The following TGFBR1 variants were observed in gnomAD, a reference collection of about 807,000 sequenced individuals.
The protein encoded by TGFBR1 is TGF-beta receptor type-1.
A neutral mutation model predicts 55.1 loss-of-function variants in TGFBR1; 20 were observed. The ratio of observed to expected loss-of-function variants is 0.36; its 90% CI spans 0.26 to 0.53. The LOEUF is 0.53. Ranked by LOEUF, TGFBR1 falls within the 20% of genes least tolerant of loss-of-function variation. The probability of loss-of-function intolerance (pLI) is 0.91; values close to 1 mark genes in which losing one functional copy is unlikely to be tolerated. For missense variants in TGFBR1, 385 were observed against 617.6 expected (o/e 0.62, Z 3.99); for synonymous variants, 220 against 214.8 (o/e 1.02, Z -0.21).
rs1826626472 is a variant in TGFBR1 at position 99,112,898 on chromosome 9, A to ACTAGCAT, written c.97+7604_97+7610dup. 2.0e-5 allele frequency among the ~76,000 whole-genome samples: 3 copies of ACTAGCAT among 151,736 alleles called. No homozygotes were observed. The South Asian group carries it at 6.3e-4, about 32-fold the overall frequency. ...GAGCACCTTAAGCAAAGAAATGGCT[A>ACTAGCAT]CTAGCATCTAGCATTCACCTCATAT... On this transcript the variant is annotated intron_variant, in intron 1 of 8. Coordinates refer to ENST00000374994, the MANE Select transcript of TGFBR1 (RefSeq NM_004612.4).
In TGFBR1 at chr9:99,149,516, T is replaced by A. The variant is rs200495698; in HGVS notation, c.*211T>A. On this transcript the variant is annotated 3_prime_UTR_variant, in exon 9 of 9. Coordinates refer to ENST00000374994, the MANE Select transcript of TGFBR1 (RefSeq NM_004612.4). ...CCTTTCTGTGCACTATGAACGCTTC[T>A]TTCCCAGGACAGAAAATGTGTAGTC... The A allele has an allele frequency of 2.0e-5, 11 of 562,860 alleles. No individual in the cohort carries two copies. The highest frequency in any genetic ancestry group is 1.6e-4 in the Admixed American group (5 of 31,536). The allele number at this position is 562,860 out of a possible 1,614,324, so 34.9% of individuals were successfully genotyped here. A position where few individuals can be genotyped will look rare whatever the true frequency, so the allele number is the denominator to read the frequency against.
Position 99,149,408 on chromosome 9 carries a change from A to C in TGFBR1, c.*103A>C. On this transcript the variant is annotated 3_prime_UTR_variant, in exon 9 of 9. Coordinates refer to ENST00000374994, the MANE Select transcript of TGFBR1 (RefSeq NM_004612.4). ...CCTCACTGAGAGGGAACAGAAGGAT[A>C]TTGCTTCCTTTTGCAGCAGTGTAAT... 1 of 1,514,408 alleles carries C rather than the reference A, an allele frequency of 6.6e-7. No individual in the cohort carries two copies. The highest frequency in any genetic ancestry group is 1.7e-5 in the Admixed American group (1 of 59,424). The allele number at this position is 1,514,408 out of a possible 1,614,324, so 93.8% of individuals were successfully genotyped here.
chr9:99,147,849 G>A (rs1021718584), intron 8 of TGFBR1, 65 bp downstream of exon 8: 4 of 1,591,424 alleles, frequency 2.5e-6, no homozygotes, highest in Non-Finnish European at 3.4e-6. Context: ...GCAAAAGTTT[G>A]CTACTTTTCT....
At chr9:99,145,187 A>G (rs1260709678) in intron 6 of TGFBR1, among the ~76,000 whole-genome samples, 1 of 152,238 alleles carries the variant, frequency 6.6e-6, no homozygotes, top group East Asian at 1.9e-4. Context: ...TAGGTCTTTT[A>G]CGTATATTAC....
intron 1 of TGFBR1, among the ~76,000 whole-genome samples, chr9:99,113,177 G>T (rs1469565484): frequency 6.6e-6 from 1 of 152,172 alleles, no homozygotes; most frequent in African/African-American, 2.4e-5. Context: ...CCTTCAGACA[G>T]TGCTGCTTTC....
At chr9:99,132,023 GTGA>G (rs1263426583) in intron 2 of TGFBR1, among the ~76,000 whole-genome samples, 1 of 151,428 alleles carries the variant, frequency 6.6e-6, no homozygotes, top group Non-Finnish European at 1.5e-5. Context: ...TTGTTTAGAA[GTGA>G]TGAAGATGTA....
At position 99,132,603 on chromosome 9, in the gene TGFBR1, T is replaced by C. The variant is rs1234995886; in HGVS notation, c.438T>C (p.Tyr146=). ...FVCISLMLMV[Y]ICHNRTVIHH... ...GCATCTCACTCATGTTGATGGTCTA[T>C]ATCTGCCACAACCGCACTGTCATTC... Residue 146 remains tyrosine (Y), a synonymous_variant, in exon 3 of 9, where the codon TAT becomes TAC. Coordinates refer to ENST00000374994, the MANE Select transcript of TGFBR1 (RefSeq NM_004612.4). 1.2e-6 allele frequency: 2 copies of C among 1,614,070 alleles called. No individual in the cohort carries two copies. The highest frequency in any genetic ancestry group is 2.7e-5 in the African/African-American group (2 of 74,926).
At chr9:99,126,895 A>C (rs1312088010) in intron 1 of TGFBR1, among the ~76,000 whole-genome samples, 1 of 152,192 alleles carries the variant, frequency 6.6e-6, no homozygotes, top group Non-Finnish European at 1.5e-5. Context: ...GTTTTTAATA[A>C]TGATTAAGGT....
At chr9:99,147,032 C>T (rs1171993794) in intron 7 of TGFBR1, among the ~76,000 whole-genome samples, 3 of 152,054 alleles carry the variant, frequency 2.0e-5, no homozygotes, top group Non-Finnish European at 4.4e-5. Flanking sequence ...AATTATGTTA[C>T]CATTGTGTTG....
intron 6 of TGFBR1, chr9:99,146,075 T>C (rs1827785970): frequency 7.0e-6 from 2 of 284,884 alleles, no homozygotes; most frequent in South Asian, 6.9e-5. Context: ...GTATGAGGAC[T>C]GGCATTCTTT....
At chr9:99,124,527 G>T (rs1030243624) in intron 1 of TGFBR1, among the ~76,000 whole-genome samples, 1 of 152,030 alleles carries the variant, frequency 6.6e-6, no homozygotes, top group Non-Finnish European at 1.5e-5. Flanking sequence ...AAAAGGTTGG[G>T]GGGGGCAGTA....
intron 1 of TGFBR1, among the ~76,000 whole-genome samples, chr9:99,109,901 C>G (rs991092160): frequency 6.6e-6 from 1 of 152,176 alleles, no homozygotes; most frequent in African/African-American, 2.4e-5. Flanking sequence ...TCAGTTTTGA[C>G]CCAGCCTAAC....
In TGFBR1 at chr9:99,142,603, C is replaced by T; in HGVS notation, c.873C>T (p.Tyr291=). 1 of 1,614,104 alleles carries T rather than the reference C, an allele frequency of 6.2e-7. No individual in the cohort carries two copies. Among genetic ancestry groups the T allele is most frequent in the South Asian group, 1.1e-5 (1 of 91,086 alleles). Residue 291 remains tyrosine, a synonymous_variant, in exon 5 of 9, where the codon TAC becomes TAT. Coordinates refer to ENST00000374994, the MANE Select transcript of TGFBR1 (RefSeq NM_004612.4). ...ATGAGCATGGATCCCTTTTTGATTACTTAAACAGATACACAGTTACTGTGG... is the reference window on the plus strand; with the variant it reads ...ATGAGCATGGATCCCTTTTTGATTATTTAAACAGATACACAGTTACTGTGG... The part of the protein sequence containing the change: ...DYHEHGSLFD[Y]LNRYTVTVEG...
intron 4 of TGFBR1, among the ~76,000 whole-genome samples, chr9:99,142,124 T>C (rs940381415): frequency 6.6e-6 from 1 of 152,112 alleles, no homozygotes; most frequent in African/African-American, 2.4e-5. Context: ...TCCGGAGACT[T>C]CTCACCTCCT....
rs919465696 is a variant in TGFBR1 at position 99,149,689 on chromosome 9, A to G, written c.*384A>G. ...AATGAAACATGTCTTATTACTAAAG[A>G]AAGTGATTTACTCCTGGTTAGTACA... On this transcript the variant is annotated 3_prime_UTR_variant, in exon 9 of 9. Transcript: ENST00000374994. 1 of 309,870 alleles carries G rather than the reference A, an allele frequency of 3.2e-6. No individual in the cohort carries two copies. Among genetic ancestry groups the G allele is most frequent in the African/African-American group, 2.1e-5 (1 of 46,832 alleles). 19.2% of individuals were successfully genotyped at this position (309,870 alleles called of 1,614,324 possible).
At chr9:99,122,868 A>G (rs1826934852) in intron 1 of TGFBR1, among the ~76,000 whole-genome samples, 1 of 152,158 alleles carries the variant, frequency 6.6e-6, no homozygotes. Flanking sequence ...AAACATCCCA[A>G]TCTGAAATTC....
At chr9:99,131,774 G>A (rs1827232327) in intron 2 of TGFBR1, among the ~76,000 whole-genome samples, 1 of 152,158 alleles carries the variant, frequency 6.6e-6, no homozygotes, top group African/African-American at 2.4e-5. Flanking sequence ...TTCGAGACCA[G>A]CCTGAGCAAC....
At position 99,147,804 on chromosome 9, in the gene TGFBR1, A is replaced by T. The variant is rs1332543998; in HGVS notation, c.1386+20A>T. 6.2e-7 allele frequency: 1 copy of T among 1,613,342 alleles called. No homozygotes were observed. The highest frequency in any genetic ancestry group is 8.5e-7 in the Non-Finnish European group (1 of 1,179,634). Reference sequence around the variant, plus strand: ...TGTGAAGTGAGTATTTCTTTTTGATATTAGGCAATTTTCTAAACTGCTTCT... The same window carrying T: ...TGTGAAGTGAGTATTTCTTTTTGATTTTAGGCAATTTTCTAAACTGCTTCT... On this transcript the variant is annotated intron_variant, in intron 8 of 8. Coordinates refer to ENST00000374994, the MANE Select transcript of TGFBR1 (RefSeq NM_004612.4).
chr9:99,122,722 G>A (rs984180020), intron 1 of TGFBR1, among the ~76,000 whole-genome samples: 7 of 152,144 alleles, frequency 4.6e-5, no homozygotes, highest in African/African-American at 1.7e-4. Context: ...GCATGGTTCT[G>A]ATATAATTTT....
Sources: allele counts gnomAD v4.1 joint callset (sites outside exome capture counted in the v4.1 genomes callset), GRCh38; gene constraint gnomAD v4.1.1; transcripts MANE v1.5; gene names NCBI Gene and HGNC (gene_info 2026-07-23, HGNC 2026-07-21).